Variants in DRC11 observed in about 807,000 individuals in gnomAD.
The protein encoded by DRC11 is dynein regulatory complex subunit 11, also known as IQ and AAA domain-containing protein 1.
At chr2:236,391,400 CAGGG>C in the DRC11 span, 1 of 153,132 alleles carries the variant, frequency 6.5e-6, no homozygotes, top group African/African-American at 2.4e-5. This position sits in a 1 kb window ranked among gnomAD's most constrained non-coding sequence, Gnocchi z 4.5. Context: ...CCAGCACTGA[CAGGG>C]AGAACTCTCC....
chr2:236,368,868 A>G, the DRC11 span: 21 of 152,682 alleles, frequency 1.4e-4, no homozygotes, highest in African/African-American at 4.8e-4. Flanking sequence ...TTTTTAAGAG[A>G]GTACCAAAGG....
chr2:236,353,535 C>T, the DRC11 span, among the ~76,000 whole-genome samples: 10 of 152,146 alleles, frequency 6.6e-5, no homozygotes, highest in East Asian at 1.7e-3. The surrounding 1 kb of genome is among the most constrained non-coding windows in gnomAD (Gnocchi z 5.0). Flanking sequence ...GACCCCTGGA[C>T]GTTTTGGAGG....
chr2:236,374,751 C>T, the DRC11 span, among the ~76,000 whole-genome samples: 1 of 151,872 alleles, frequency 6.6e-6, no homozygotes, highest in Non-Finnish European at 1.5e-5. Flanking sequence ...AGTGCAATGG[C>T]GTGACCTTGG....
chr2:236,465,662 C>T, the DRC11 span: 1 of 1,613,628 alleles, frequency 6.2e-7, no homozygotes, highest in African/African-American at 1.3e-5. The surrounding 1 kb of genome is among the most constrained non-coding windows in gnomAD (Gnocchi z 6.2). Context: ...TCCACCTTTT[C>T]AGCCTGGATT....
chr2:236,491,188 G>GTATATATATA, the DRC11 span, among the ~76,000 whole-genome samples: 8 of 24,754 alleles, frequency 3.2e-4, no homozygotes, highest in African/African-American at 4.8e-4. Context: ...TATACACACA[G>GTATATATATA]TATATATATA....
At chr2:236,481,373 C>T in the DRC11 span, among the ~76,000 whole-genome samples, 1 of 152,082 alleles carries the variant, frequency 6.6e-6, no homozygotes. Flanking sequence ...ATTTTTTCCA[C>T]ACATGAGGTG....
At chr2:236,481,823 A>G in the DRC11 span, among the ~76,000 whole-genome samples, 2 of 151,224 alleles carry the variant, frequency 1.3e-5, no homozygotes, top group Non-Finnish European at 1.5e-5. Context: ...GTTGAAATCT[A>G]TATACTTTAG....
the DRC11 span, among the ~76,000 whole-genome samples, chr2:236,323,557 G>A: frequency 1.1e-4 from 17 of 152,198 alleles, no homozygotes; most frequent in Admixed American, 1.0e-3. This position sits in a 1 kb window ranked among gnomAD's most constrained non-coding sequence, Gnocchi z 6.4. Flanking sequence ...AGGCTGGGGG[G>A]TGTGCTGGTG....
chr2:236,324,311 T>C, the DRC11 span: 25 of 215,406 alleles, frequency 1.2e-4, no homozygotes, highest in African/African-American at 5.5e-4. The surrounding 1 kb of genome is among the most constrained non-coding windows in gnomAD (Gnocchi z 5.7). Context: ...AACTAGAATA[T>C]TCTTTAACTG....
the DRC11 span, among the ~76,000 whole-genome samples, chr2:236,329,397 G>C: frequency 1.3e-5 from 2 of 152,176 alleles, no homozygotes. Context: ...AAATGAGTCA[G>C]TACAGTGGCT....
the DRC11 span, among the ~76,000 whole-genome samples, chr2:236,318,335 G>C: frequency 6.6e-6 from 1 of 152,208 alleles, no homozygotes; most frequent in Non-Finnish European, 1.5e-5. This position sits in a 1 kb window ranked among gnomAD's most constrained non-coding sequence, Gnocchi z 7.0. Flanking sequence ...AGAGGCCTGA[G>C]GCCCAGGGGT....
chr2:236,357,170 A>ATATTATATATTCATATATATCTG, the DRC11 span, among the ~76,000 whole-genome samples: 1 of 82,830 alleles, frequency 1.2e-5, no homozygotes, highest in Non-Finnish European at 2.4e-5. Context: ...ATATATATCT[A>ATATTATATATTCATATATATCTG]TATATTATAT....
chr2:236,334,499 G>A, the DRC11 span, among the ~76,000 whole-genome samples: 31 of 152,216 alleles, frequency 2.0e-4, no homozygotes, highest in African/African-American at 6.5e-4. This position sits in a 1 kb window ranked among gnomAD's most constrained non-coding sequence, Gnocchi z 7.8. Flanking sequence ...GCAGCAGAGG[G>A]GCTCTCCAGG....
At chr2:236,380,766 C>T in the DRC11 span, 2 of 692,740 alleles carry the variant, frequency 2.9e-6, no homozygotes, top group Non-Finnish European at 5.1e-6. The surrounding 1 kb of genome is among the most constrained non-coding windows in gnomAD (Gnocchi z 4.9). Flanking sequence ...GGCGTGAACA[C>T]AGAGCTGCCG....
chr2:236,436,277 T>C, the DRC11 span, among the ~76,000 whole-genome samples: 1 of 152,220 alleles, frequency 6.6e-6, no homozygotes, highest in Non-Finnish European at 1.5e-5. Context: ...TTGTCATACA[T>C]GTTGCAAATG....
At chr2:236,507,429 G>C in the DRC11 span, 2 of 716,100 alleles carry the variant, frequency 2.8e-6, no homozygotes, top group Non-Finnish European at 4.8e-6. Flanking sequence ...CTTCTGCTTC[G>C]GGCAGGAAAA....
the DRC11 span, chr2:236,455,117 G>A: frequency 6.6e-6 from 1 of 152,286 alleles, no homozygotes; most frequent in African/African-American, 2.4e-5. The surrounding 1 kb of genome is among the most constrained non-coding windows in gnomAD (Gnocchi z 5.7). Flanking sequence ...GGCACATAGT[G>A]AGCTGCATGA....
At chr2:236,441,975 C>T in the DRC11 span, among the ~76,000 whole-genome samples, 1 of 152,076 alleles carries the variant, frequency 6.6e-6, no homozygotes, top group South Asian at 2.1e-4. Flanking sequence ...GTGTTTCACG[C>T]CTATAATCCC....
the DRC11 span, among the ~76,000 whole-genome samples, chr2:236,375,405 A>C: frequency 6.6e-6 from 1 of 152,184 alleles, no homozygotes; most frequent in African/African-American, 2.4e-5. This position sits in a 1 kb window ranked among gnomAD's most constrained non-coding sequence, Gnocchi z 4.2. Flanking sequence ...CCAAACCATA[A>C]ATAAGAGACA....
Sources: gnomAD v4.1 joint callset for allele counts (sites outside exome capture counted in the v4.1 genomes callset) on GRCh38, gnomAD v4.1.1 for gene constraint, Gnocchi (gnomAD v3.1) non-coding constraint, MANE v1.5 for transcripts, NCBI Gene and HGNC (gene_info 2026-07-23, HGNC 2026-07-21) for gene names.